Variants in CCDC93 observed in about 807,000 individuals in gnomAD.
CCDC93 encodes the protein coiled-coil domain-containing protein 93.
A neutral mutation model predicts 108.2 loss-of-function variants in CCDC93; 61 were observed. That is an observed-to-expected ratio of 0.56 (90% CI 0.46 to 0.70). The LOEUF (loss-of-function observed/expected upper bound fraction) is 0.70, where lower values mean the gene tolerates loss of function less well. Ranked by LOEUF, CCDC93 falls within the 30% of genes least tolerant of loss-of-function variation. The pLI is 0.00. For synonymous variants in CCDC93, 276 were observed against 260.4 expected, an observed-to-expected ratio of 1.06 and a Z score of -0.58; for missense variants, 685 against 764.2, an observed-to-expected ratio of 0.90 and a Z score of 1.22.
intron 16 of CCDC93, among the ~76,000 whole-genome samples, chr2:117,946,373 G>C (rs548901821): frequency 6.6e-6 from 1 of 152,326 alleles, no homozygotes; most frequent in Admixed American, 6.5e-5. Flanking sequence ...TGCAAGCCTA[G>C]GGTTCTTCTG....
chr2:117,937,856 G>T (rs1541715), intron 20 of CCDC93, among the ~76,000 whole-genome samples: 1 of 151,840 alleles, frequency 6.6e-6, no homozygotes, highest in African/African-American at 2.4e-5. Context: ...TGTAAGCCCC[G>T]GATACAGAAA....
intron 11 of CCDC93, 62 bp from the exon 12 acceptor site, chr2:117,958,543 C>A: frequency 2.0e-6 from 2 of 992,688 alleles, no homozygotes; most frequent in South Asian, 2.6e-5. Context: ...TTCATGTAAT[C>A]AAGCCCTGTT....
chr2:117,915,540 A>C lies in CCDC93; in HGVS notation c.*4803T>G, dbSNP rs559405174. ...ATTTAGAGAATCAGAATTTTCTTCC[A>C]TTTTGGTTCTATTAAGAAAAGTATA... On this transcript the variant is annotated 3_prime_UTR_variant, in exon 24 of 24. Coordinates refer to ENST00000376300, the MANE Select transcript of CCDC93 (RefSeq NM_019044.5). The C allele has an allele frequency of 6.6e-6, 1 of 152,192 alleles. No homozygotes were observed. Among genetic ancestry groups the C allele is most frequent in the Non-Finnish European group, 1.5e-5 (1 of 68,024 alleles). The allele number at this position is 152,192 out of a possible 1,614,324, so 9.4% of individuals were successfully genotyped here. A position where few individuals can be genotyped will look rare whatever the true frequency, so the allele number is the denominator to read the frequency against.
At chr2:117,936,956 C>T (rs1678546572) in intron 20 of CCDC93, 2 of 556,174 alleles carry the variant, frequency 3.6e-6, no homozygotes, top group Non-Finnish European at 3.2e-6. Context: ...AGAAAATTCC[C>T]TCTTCCTACA....
intron 6 of CCDC93, among the ~76,000 whole-genome samples, chr2:117,988,698 G>C (rs1680390952): frequency 6.6e-6 from 1 of 152,122 alleles, no homozygotes; most frequent in African/African-American, 2.4e-5. Flanking sequence ...ACTATAAATG[G>C]GACAAATAAG....
At chr2:117,923,720 C>T (rs906848507) in intron 23 of CCDC93, among the ~76,000 whole-genome samples, 1 of 152,048 alleles carries the variant, frequency 6.6e-6, no homozygotes, top group African/African-American at 2.4e-5. Context: ...CATAGCCAAA[C>T]AAAAGGCAGC....
intron 17 of CCDC93, among the ~76,000 whole-genome samples, chr2:117,944,475 A>G (rs533279186): frequency 2.0e-5 from 3 of 152,288 alleles, no homozygotes; most frequent in Admixed American, 1.3e-4. Context: ...TGTGTTATCC[A>G]ATGTGATAGC....
At chr2:117,939,312 T>C (rs1185237813) in intron 19 of CCDC93, among the ~76,000 whole-genome samples, 1 of 152,144 alleles carries the variant, frequency 6.6e-6, no homozygotes, top group Non-Finnish European at 1.5e-5. Flanking sequence ...ATGTTGAAGG[T>C]GGGACCCAGG....
intron 20 of CCDC93, 112 bp from the exon 21 acceptor site, chr2:117,936,851 T>G (rs1440152576): frequency 1.2e-6 from 1 of 815,632 alleles, no homozygotes; most frequent in African/African-American, 1.7e-5. Context: ...AAGGAACACA[T>G]GCCTTGTTTA....
chr2:117,939,188 G>A, intron 19 of CCDC93, 77 bp from the exon 20 acceptor site: 1 of 846,416 alleles, frequency 1.2e-6, no homozygotes. Flanking sequence ...CTCCATGAAT[G>A]CACTGCCAGG....
In CCDC93 at chr2:117,954,267, T is replaced by A. The variant is rs542119035; in HGVS notation, c.1006-1832A>T. Reference sequence around the variant, plus strand: ...ACATTGTAACTGTGGGATTAAAATATGAGAAGAGATGGGGCAGAGCCAGGC... The same window carrying A: ...ACATTGTAACTGTGGGATTAAAATAAGAGAAGAGATGGGGCAGAGCCAGGC... On this transcript the variant is annotated intron_variant, in intron 12 of 23. Transcript: ENST00000376300. Among the ~76,000 whole-genome samples, 10 of 152,256 alleles carry A rather than the reference T, an allele frequency of 6.6e-5. No homozygotes were observed. The South Asian group carries it at 2.1e-3, about 32-fold the overall frequency.
At chr2:117,969,896 C>A (rs1421322798) in intron 11 of CCDC93, among the ~76,000 whole-genome samples, 5 of 152,186 alleles carry the variant, frequency 3.3e-5, no homozygotes, top group African/African-American at 4.8e-5. Flanking sequence ...AGCAAAGCCC[C>A]ACTTCCTTGA....
In CCDC93 at chr2:117,935,422, C is replaced by A. The variant is rs576431023; in HGVS notation, c.1728+73G>T. 8.2e-5 allele frequency: 90 copies of A among 1,092,842 alleles called. No homozygotes were observed. The African/African-American group carries it at 1.3e-3, about 15-fold the overall frequency. 67.7% of individuals were successfully genotyped at this position (1,092,842 alleles called of 1,614,324 possible). ...CACACTCCCCAACTACCAGAAGAGG[C>A]CTTTTCTTCCCAGGACCTTCCCTGT... On this transcript the variant is annotated intron_variant, in intron 22 of 23. Transcript: ENST00000376300.
At chr2:117,980,118 C>T (rs770436533) in intron 7 of CCDC93, among the ~76,000 whole-genome samples, 35 of 152,288 alleles carry the variant, frequency 2.3e-4, no homozygotes, top group Admixed American at 1.0e-3. Context: ...CCCAATCCTA[C>T]AGGCTGCTAG....
At chr2:117,939,292 T>C (rs542559017) in intron 19 of CCDC93, among the ~76,000 whole-genome samples, 181 bp from the exon 20 acceptor site, 1 of 152,218 alleles carries the variant, frequency 6.6e-6, no homozygotes, top group East Asian at 1.9e-4. Context: ...TCAGGACCAA[T>C]GAAAGGAGAA....
intron 11 of CCDC93, among the ~76,000 whole-genome samples, chr2:117,971,340 G>A (rs1679755210): frequency 6.6e-6 from 1 of 152,026 alleles, no homozygotes; most frequent in African/African-American, 2.4e-5. Context: ...TCTTTGCCTG[G>A]GCAACAGAGT....
Position 117,918,831 on chromosome 2 carries a change from G to A in CCDC93, c.*1512C>T, listed in dbSNP as rs1400966209. 1 of 152,244 alleles carries A rather than the reference G, an allele frequency of 6.6e-6. No homozygotes were observed. Among genetic ancestry groups the A allele is most frequent in the African/African-American group, 2.4e-5 (1 of 41,472 alleles). 9.4% of individuals were successfully genotyped at this position (152,244 alleles called of 1,614,324 possible). A position where few individuals can be genotyped will look rare whatever the true frequency, so the allele number is the denominator to read the frequency against. The stretch of plus-strand genomic sequence containing the variant: ...TATTTGCAAGCTGCTGCTTCCGCCT[G>A]GCTCAGGTAGGCCTTGCTGGCCCTG... On this transcript the variant is annotated 3_prime_UTR_variant, in exon 24 of 24. Coordinates refer to ENST00000376300, the MANE Select transcript of CCDC93 (RefSeq NM_019044.5).
At chr2:117,948,738 A>T (rs886141733) in intron 14 of CCDC93, among the ~76,000 whole-genome samples, 7 of 152,200 alleles carry the variant, frequency 4.6e-5, no homozygotes, top group African/African-American at 1.7e-4. Flanking sequence ...CAACTTTTTG[A>T]TTTCATAGTC....
At position 117,938,940 on chromosome 2, in the gene CCDC93, A is replaced by AC. The variant is rs372381043; in HGVS notation, c.1605+88dup. On this transcript the variant is annotated intron_variant, in intron 20 of 23. Transcript: ENST00000376300. ...CACTCTTTCTGCTAATGCTGAACATACCTGTCCCAAACATCAAGTTCATTT... is the reference window on the plus strand; with the variant it reads ...CACTCTTTCTGCTAATGCTGAACATACCCTGTCCCAAACATCAAGTTCATTT... 9.6e-4 allele frequency: 675 copies of AC among 706,636 alleles called. 6 individuals are homozygous for AC. In the African/African-American group the frequency reaches 0.011, roughly 11 times the overall value. The allele number at this position is 706,636 out of a possible 1,614,324, so 43.8% of individuals were successfully genotyped here.
Sources: allele counts gnomAD v4.1 joint callset (sites outside exome capture counted in the v4.1 genomes callset), GRCh38; gene constraint gnomAD v4.1.1; transcripts MANE v1.5; gene names NCBI Gene and HGNC (gene_info 2026-07-23, HGNC 2026-07-21).